Variants in MICU2 observed in about 807,000 individuals in gnomAD.
The protein encoded by MICU2 is mitochondrial calcium uptake 2, also known as calcium uptake protein 2, mitochondrial.
Under a neutral mutation model 60.4 loss-of-function variants are expected in MICU2, and 64 were observed. The observed-to-expected ratio is 1.06, with a 90% CI of 0.87 to 1.31. MICU2 has a LOEUF of 1.31. MICU2 is among the 50% of genes most tolerant of loss of function. The pLI is 0.00. For missense variants in MICU2, 569 were observed against 531.0 expected (o/e 1.07, Z -0.70); for synonymous variants, 201 against 175.0 (o/e 1.15, Z -1.17).
At chr13:21,496,471 GGT>G (rs1235874057) in intron 9 of MICU2, 2 of 288,396 alleles carry the variant, frequency 6.9e-6, no homozygotes, top group Non-Finnish European at 1.3e-5. Context: ...CCCAGCCTGT[GGT>G]GTTTTGAGGC....
chr13:21,502,886 T>C, intron 9 of MICU2, 40 bp downstream of exon 9: 1 of 1,557,146 alleles, frequency 6.4e-7, no homozygotes, highest in Middle Eastern at 1.7e-4. Flanking sequence ...TAACTTATTA[T>C]TTCATCTTTA....
At chr13:21,518,540 C>T (rs1886638110) in intron 6 of MICU2, among the ~76,000 whole-genome samples, 1 of 152,102 alleles carries the variant, frequency 6.6e-6, no homozygotes, top group Non-Finnish European at 1.5e-5. Flanking sequence ...TCCAGTAATT[C>T]CAAGATTTGG....
intron 4 of MICU2, among the ~76,000 whole-genome samples, chr13:21,525,767 A>G (rs1025021035): frequency 4.0e-5 from 6 of 151,858 alleles, no homozygotes; most frequent in Non-Finnish European, 8.8e-5. Context: ...AAAGTTTTGT[A>G]TAGTTCTTTA....
rs573709291 is a variant in MICU2, at chr13:21,513,605, T to C, written c.663+748A>G. ...ACAAAAAATTAGCTGGGTGTGTGGGTGGCATGTGCCTGTAATCCCAGCTAC... is the reference window on the plus strand; with the variant it reads ...ACAAAAAATTAGCTGGGTGTGTGGGCGGCATGTGCCTGTAATCCCAGCTAC... On this transcript the variant is annotated intron_variant, in intron 7 of 11. Transcript: ENST00000382374. 4.6e-5 allele frequency among the ~76,000 whole-genome samples: 7 copies of C among 151,684 alleles called. No homozygotes were observed. In the East Asian group the frequency reaches 9.7e-4, roughly 21 times the overall value.
intron 4 of MICU2, among the ~76,000 whole-genome samples, chr13:21,523,501 C>T (rs1593325048): frequency 6.6e-6 from 1 of 152,176 alleles, no homozygotes. Context: ...CTATTTAAAA[C>T]GTAGTAATTA....
intron 2 of MICU2, among the ~76,000 whole-genome samples, chr13:21,559,627 C>G (rs141202560): frequency 6.6e-6 from 1 of 151,598 alleles, no homozygotes; most frequent in Non-Finnish European, 1.5e-5. Flanking sequence ...TGGGTTCAAG[C>G]GATTCTCCTG....
intron 6 of MICU2, 42 bp downstream of exon 6, chr13:21,521,203 A>AG (rs1302960992): frequency 7.2e-7 from 1 of 1,387,102 alleles, no homozygotes; most frequent in Non-Finnish European, 1.0e-6. Flanking sequence ...ACAAACATCC[A>AG]GGTATTTTAT....
chr13:21,540,554 G>A (rs577551530), intron 2 of MICU2, among the ~76,000 whole-genome samples: 2 of 152,108 alleles, frequency 1.3e-5, no homozygotes, highest in Non-Finnish European at 2.9e-5. Flanking sequence ...TAATTTGGAC[G>A]ATAAATCTAC....
chr13:21,512,944 T>C (rs1886469356), intron 7 of MICU2, among the ~76,000 whole-genome samples: 1 of 152,156 alleles, frequency 6.6e-6, no homozygotes, highest in African/African-American at 2.4e-5. Context: ...AGATATCCAG[T>C]TGTACCAGCA....
chr13:21,581,966 T>C (rs562804654), intron 1 of MICU2, among the ~76,000 whole-genome samples: 2 of 152,382 alleles, frequency 1.3e-5, no homozygotes, highest in East Asian at 3.9e-4. Flanking sequence ...CATGCATATC[T>C]GCATAATTCT....
intron 6 of MICU2, among the ~76,000 whole-genome samples, chr13:21,515,327 C>T (rs1411664485): frequency 6.6e-6 from 1 of 152,188 alleles, no homozygotes; most frequent in Admixed American, 6.5e-5. Flanking sequence ...TGTGATCCAC[C>T]TGCCTCGGCC....
intron 2 of MICU2, among the ~76,000 whole-genome samples, chr13:21,565,886 CA>C (rs762570179): frequency 2.0e-5 from 3 of 152,180 alleles, no homozygotes; most frequent in Non-Finnish European, 4.4e-5. Context: ...TTTCTGCTCA[CA>C]AACCTTCAAT....
chr13:21,533,776 T>A (rs997591765), intron 4 of MICU2, among the ~76,000 whole-genome samples: 1 of 152,008 alleles, frequency 6.6e-6, no homozygotes, highest in Non-Finnish European at 1.5e-5. Flanking sequence ...AGCCCTAATT[T>A]AAAAAAATAG....
intron 8 of MICU2, among the ~76,000 whole-genome samples, chr13:21,509,499 C>T (rs1178076185): frequency 1.3e-5 from 2 of 152,154 alleles, no homozygotes; most frequent in Non-Finnish European, 2.9e-5. Flanking sequence ...GAATGAGAGA[C>T]TACATGAAGC....
intron 10 of MICU2, 167 bp from the exon 11 acceptor site, chr13:21,495,485 A>G (rs1173311823): frequency 1.6e-6 from 1 of 609,030 alleles, no homozygotes; most frequent in African/African-American, 1.8e-5. Flanking sequence ...CCATAAGCCG[A>G]CGAATGTCAT....
chr13:21,532,602 A>G (rs896377167), intron 4 of MICU2, among the ~76,000 whole-genome samples: 1 of 152,210 alleles, frequency 6.6e-6, no homozygotes. Flanking sequence ...ATTTCATCAA[A>G]AGAGACAGAG....
chr13:21,558,103 C>G (rs1887751946), intron 2 of MICU2, among the ~76,000 whole-genome samples: 1 of 152,172 alleles, frequency 6.6e-6, no homozygotes, highest in Non-Finnish European at 1.5e-5. Context: ...TAACAATTCC[C>G]TGCTCCCCCA....
At chr13:21,546,262 TCAAATA>T (rs1887416037) in intron 2 of MICU2, among the ~76,000 whole-genome samples, 1 of 150,792 alleles carries the variant, frequency 6.6e-6, no homozygotes, top group Non-Finnish European at 1.5e-5. Context: ...AGTATGGTCT[TCAAATA>T]CATTTGTTTT....
At chr13:21,549,165 G>A (rs4769168) in intron 2 of MICU2, among the ~76,000 whole-genome samples, 24,422 of 151,860 alleles carry the variant, frequency 0.16, 3,527 homozygotes, top group East Asian at 0.67. Flanking sequence ...TCCTGACCTC[G>A]TGATCCGCCC....
Sources: allele counts gnomAD v4.1 joint callset (sites outside exome capture counted in the v4.1 genomes callset), GRCh38; gene constraint gnomAD v4.1.1; transcripts MANE v1.5; gene names NCBI Gene and HGNC (gene_info 2026-07-23, HGNC 2026-07-21).